The following GABRA2 variants were observed in gnomAD, a reference collection of about 807,000 sequenced individuals.
GABRA2 encodes gamma-aminobutyric acid type A receptor subunit alpha2, also known as gamma-aminobutyric acid receptor subunit alpha-2.
GABRA2 carries 16 observed loss-of-function variants against 48.7 expected under a neutral mutation model. That is an observed-to-expected ratio of 0.33 (90% CI 0.22 to 0.50). The LOEUF is 0.50. Among genes scored for constraint, GABRA2 ranks in the 20% least tolerant of loss-of-function variants. GABRA2 has a pLI of 0.98. For missense variants in GABRA2, 275 were observed against 535.6 expected, an observed-to-expected ratio of 0.51 and a Z score of 4.80; for synonymous variants, 185 against 184.5, an observed-to-expected ratio of 1.00 and a Z score of -0.02.
chr4:46,290,840 T>C (rs1201417875), intron 8 of GABRA2, among the ~76,000 whole-genome samples: 1 of 152,154 alleles, frequency 6.6e-6, no homozygotes, highest in African/African-American at 2.4e-5. Context: ...AGTTTTGTGT[T>C]TTTTGGCATT....
chr4:46,253,045 G>T (rs962534941), intron 9 of GABRA2, among the ~76,000 whole-genome samples: 1 of 151,420 alleles, frequency 6.6e-6, no homozygotes, highest in Non-Finnish European at 1.5e-5. Context: ...TATGTGTTAG[G>T]TAGAAGAAGA....
intron 9 of GABRA2, chr4:46,261,656 A>C: frequency 1.9e-6 from 1 of 538,436 alleles, no homozygotes; most frequent in Non-Finnish European, 3.3e-6. Flanking sequence ...GGATGCTATA[A>C]AGATTATGTG....
intron 8 of GABRA2, chr4:46,302,552 C>T (rs935102824): frequency 2.0e-5 from 3 of 152,048 alleles, no homozygotes; most frequent in African/African-American, 7.2e-5. Context: ...CTACCTGTTT[C>T]TAACTTAAAG....
In GABRA2 at chr4:46,249,552, C is replaced by A. The variant is rs1714316687; in HGVS notation, c.*756G>T. The A allele has an allele frequency of 6.6e-6, 1 of 151,116 alleles. No homozygotes were observed. 9.4% of individuals were successfully genotyped at this position (151,116 alleles called of 1,614,324 possible). A position where few individuals can be genotyped will look rare whatever the true frequency, so the allele number is the denominator to read the frequency against. ...TACCTGGAAATGTTAAGACACATTT[C>A]TTTTCTTTTTTTTTAATTAAGGTAG... On this transcript the variant is annotated 3_prime_UTR_variant, in exon 10 of 10. Transcript: ENST00000381620.
chr4:46,320,437 A>G (rs1411006944), intron 4 of GABRA2, among the ~76,000 whole-genome samples: 8 of 151,880 alleles, frequency 5.3e-5, no homozygotes, highest in Non-Finnish European at 1.2e-4. Flanking sequence ...ACAAGTCGAC[A>G]TACATCAAAC....
At position 46,261,914 on chromosome 4, in the gene GABRA2, G is replaced by C. The variant is rs201029046; in HGVS notation, c.1059+12C>G. 1.2e-6 allele frequency: 2 copies of C among 1,603,180 alleles called. No homozygotes were observed. The highest frequency in any genetic ancestry group is 1.1e-5 in the South Asian group (1 of 90,864). ...TTTTCTTAATAATGATAACACGGAA[G>C]CTCTCACTTACCTTGTCATTTACTA... On this transcript the variant is annotated intron_variant, in intron 9 of 9. Coordinates refer to ENST00000381620, the MANE Select transcript of GABRA2 (RefSeq NM_000807.4).
intron 4 of GABRA2, among the ~76,000 whole-genome samples, chr4:46,318,194 TA>T (rs1488436390): frequency 6.6e-6 from 1 of 151,380 alleles, no homozygotes; most frequent in Non-Finnish European, 1.5e-5. Context: ...AGAAATATCA[TA>T]AAAATTTTAA....
chr4:46,358,509 T>C (rs933240744), intron 3 of GABRA2, among the ~76,000 whole-genome samples: 6 of 152,228 alleles, frequency 3.9e-5, no homozygotes, highest in African/African-American at 1.4e-4. Context: ...TTAGAGATGG[T>C]AGGTCTCTAA....
intron 3 of GABRA2, among the ~76,000 whole-genome samples, chr4:46,382,608 G>C (rs1173690086): frequency 6.6e-6 from 1 of 152,100 alleles, no homozygotes; most frequent in Non-Finnish European, 1.5e-5. Context: ...AATTTTTAAA[G>C]GGATCTATTA....
intron 8 of GABRA2, among the ~76,000 whole-genome samples, chr4:46,278,534 CT>C (rs529379969): frequency 3.3e-4 from 50 of 152,198 alleles, no homozygotes; most frequent in Admixed American, 2.9e-3. Context: ...ATATTGCTTG[CT>C]TCAGATCATG....
intron 8 of GABRA2, among the ~76,000 whole-genome samples, chr4:46,285,546 C>T (rs1722398038): frequency 6.6e-6 from 1 of 151,942 alleles, no homozygotes; most frequent in Non-Finnish European, 1.5e-5. Context: ...AAATTTCTGT[C>T]TTTATTTACC....
chr4:46,350,700 T>A (rs1401294690), intron 3 of GABRA2, among the ~76,000 whole-genome samples: 1 of 151,870 alleles, frequency 6.6e-6, no homozygotes, highest in African/African-American at 2.4e-5. Flanking sequence ...CTTTCTTACG[T>A]CCTTTCTGAT....
chr4:46,244,224 A>C lies in GABRA2; in HGVS notation c.*6084T>G, dbSNP rs1441528506. On this transcript the variant is annotated 3_prime_UTR_variant, in exon 10 of 10. Coordinates refer to ENST00000381620, the MANE Select transcript of GABRA2 (RefSeq NM_000807.4). Reference sequence around the variant, plus strand: ...ACACATTATGATCAGTTTAAAGCACAATCAATTGCTTCAACGACTATGTCG... The same window carrying C: ...ACACATTATGATCAGTTTAAAGCACCATCAATTGCTTCAACGACTATGTCG... 1.3e-5 allele frequency: 2 copies of C among 151,608 alleles called. No individual in the cohort carries two copies. Among genetic ancestry groups the C allele is most frequent in the African/African-American group, 2.4e-5 (1 of 41,416 alleles). The allele number at this position is 151,608 out of a possible 1,614,324, so 9.4% of individuals were successfully genotyped here.
In GABRA2 at chr4:46,316,700, C is replaced by T. The variant is rs181692607; in HGVS notation, c.256-3984G>A. On this transcript the variant is annotated intron_variant, in intron 4 of 9. Transcript: ENST00000381620. ...TGTGAAATGGGTCATGGTGCAATCA[C>T]GAGGATTTCTCTGTTAATTAGTAAT... Among the ~76,000 whole-genome samples, 89 of 151,958 alleles carry T rather than the reference C, an allele frequency of 5.9e-4. 1 individual carries two copies. The highest frequency in any genetic ancestry group is 2.0e-3 in the African/African-American group (82 of 41,508).
At chr4:46,358,777 C>A (rs138633340) in intron 3 of GABRA2, among the ~76,000 whole-genome samples, 2 of 152,248 alleles carry the variant, frequency 1.3e-5, no homozygotes, top group East Asian at 3.9e-4. Context: ...ATCAGAGAGT[C>A]CTTTTATCTA....
chr4:46,376,374 G>A (rs372091135), intron 3 of GABRA2, among the ~76,000 whole-genome samples: 1 of 152,092 alleles, frequency 6.6e-6, no homozygotes, highest in Non-Finnish European at 1.5e-5. Context: ...GTGTATTAAG[G>A]GGGAGAGAAA....
chr4:46,259,880 C>T (rs1406055799), intron 9 of GABRA2, among the ~76,000 whole-genome samples: 1 of 151,754 alleles, frequency 6.6e-6, no homozygotes, highest in Admixed American at 6.6e-5. Context: ...ATCTTTTAGG[C>T]AGATAGGCTA....
rs540708 is a variant in GABRA2, at chr4:46,244,698, A to G, written c.*5610T>C. On this transcript the variant is annotated 3_prime_UTR_variant, in exon 10 of 10. Coordinates refer to ENST00000381620, the MANE Select transcript of GABRA2 (RefSeq NM_000807.4). ...TAAAACTGGCAAAATTAGAAAAAAA[A>G]GGAAATGAAGGAAGTGCTTACTTTT... Among the ~76,000 whole-genome samples, 76,105 of 151,218 alleles carry G rather than the reference A, an allele frequency of 0.5. 20,456 individuals carry two copies. Among genetic ancestry groups the G allele is most frequent in the South Asian group, 0.78 (3,736 of 4,818 alleles).
intron 1 of GABRA2, chr4:46,389,384 G>T (rs1717925495): frequency 1.0e-6 from 1 of 985,398 alleles, no homozygotes; most frequent in Non-Finnish European, 1.2e-6. Flanking sequence ...GCGTTTGACA[G>T]CTGCTCTGGA....
Sources: allele counts gnomAD v4.1 joint callset (sites outside exome capture counted in the v4.1 genomes callset), GRCh38; gene constraint gnomAD v4.1.1; transcripts MANE v1.5; gene names NCBI Gene and HGNC (gene_info 2026-07-23, HGNC 2026-07-21).